IREB2: variants seen among roughly 807,000 people sequenced by gnomAD.
The protein encoded by IREB2 is iron-responsive element-binding protein 2.
IREB2 carries 39 observed loss-of-function variants against 118.8 expected under a neutral mutation model. The ratio of observed to expected loss-of-function variants is 0.33; its 90% CI spans 0.25 to 0.43. IREB2 has a LOEUF of 0.43. IREB2 is among the 20% of genes least tolerant of loss of function. IREB2 has a pLI of 1.00. For missense variants in IREB2, 900 were observed against 1,147.3 expected (o/e 0.78, Z 3.11); for synonymous variants, 372 against 392.2 (o/e 0.95, Z 0.61).
chr15:78,458,385 T>TG (rs1454852868), intron 2 of IREB2, among the ~76,000 whole-genome samples: 1 of 152,280 alleles, frequency 6.6e-6, no homozygotes, highest in Middle Eastern at 3.4e-3. Flanking sequence ...TACGTACTTG[T>TG]GGGAGTAGGG....
intron 10 of IREB2, among the ~76,000 whole-genome samples, chr15:78,481,352 G>A (rs1318203569): frequency 5.3e-5 from 8 of 151,156 alleles, no homozygotes; most frequent in South Asian, 2.1e-4. Flanking sequence ...ACAGACATGC[G>A]CCACCATGCC....
Position 78,499,864 on chromosome 15 carries a change from T to C in IREB2, c.*1721T>C, listed in dbSNP as rs921030198. 1 of 152,282 alleles carries C rather than the reference T, an allele frequency of 6.6e-6. No homozygotes were observed. The highest frequency in any genetic ancestry group is 1.5e-5 in the Non-Finnish European group (1 of 68,092). 9.4% of individuals were successfully genotyped at this position (152,282 alleles called of 1,614,324 possible). On this transcript the variant is annotated 3_prime_UTR_variant, in exon 22 of 22. Coordinates refer to ENST00000258886, the MANE Select transcript of IREB2 (RefSeq NM_004136.4). ...GAAACAAATCTATTTTGTTTTGTTT[T>C]GTTTTTTGAGACGGAGTCTTGCCCT...
intron 16 of IREB2, among the ~76,000 whole-genome samples, 159 bp from the exon 17 acceptor site, chr15:78,490,260 AAAG>A (rs954584383): frequency 2.0e-5 from 3 of 152,332 alleles, no homozygotes; most frequent in African/African-American, 7.2e-5. Context: ...AAAAAAAAGA[AAAG>A]AATACACTCT....
chr15:78,470,734 A>G, intron 6 of IREB2, 133 bp downstream of exon 6: 1 of 447,826 alleles, frequency 2.2e-6, no homozygotes, highest in Non-Finnish European at 3.7e-6. Context: ...TCGCCCTGTT[A>G]CCCAGGCTGG....
At chr15:78,469,739 G>A (rs1339396725) in intron 5 of IREB2, among the ~76,000 whole-genome samples, 2 of 151,900 alleles carry the variant, frequency 1.3e-5, no homozygotes, top group African/African-American at 4.8e-5. Context: ...AAAAAAGGTT[G>A]ACAATTAAAC....
In IREB2 at chr15:78,462,994, A is replaced by G; in HGVS notation, c.179A>G (p.Lys60Arg). Residue 60 changes from lysine to arginine, a missense_variant, in exon 3 of 22, where the codon AAG (lysine) becomes AGG (arginine). Transcript: ENST00000258886. ...VRNCDGFLMK[K>R]EDVMNILDWK... ...AATTGTGATGGCTTTTTAATGAAGA[A>G]GGAAGATGTTATGAACATTTTAGAC... 1 of 1,613,742 alleles carries G rather than the reference A, an allele frequency of 6.2e-7. No homozygotes were observed. Among genetic ancestry groups the G allele is most frequent in the Non-Finnish European group, 8.5e-7 (1 of 1,179,788 alleles).
At chr15:78,472,054 G>A in intron 7 of IREB2, 130 bp downstream of exon 7, 2 of 611,486 alleles carry the variant, frequency 3.3e-6, no homozygotes, top group South Asian at 3.7e-5. Flanking sequence ...AATAACAGCA[G>A]CAACAACAAA....
At chr15:78,460,078 T>C (rs1023172744) in intron 2 of IREB2, among the ~76,000 whole-genome samples, 11 of 152,316 alleles carry the variant, frequency 7.2e-5, no homozygotes, top group Admixed American at 7.2e-4. Context: ...GCAAATAATA[T>C]CTCTAATATC....
At chr15:78,481,815 T>C (rs185782482) in intron 10 of IREB2, 1 of 152,128 alleles carries the variant, frequency 6.6e-6, no homozygotes, top group African/African-American at 2.4e-5. Context: ...CCCTGTCTCT[T>C]AAGAAAAAAA....
chr15:78,445,166 C>T (rs569734105), intron 2 of IREB2, among the ~76,000 whole-genome samples: 2 of 141,694 alleles, frequency 1.4e-5, no homozygotes, highest in East Asian at 4.2e-4. Flanking sequence ...GAGACAGAGT[C>T]TTGCTGTGTT....
At position 78,491,998 on chromosome 15, in the gene IREB2, A is replaced by G. The variant is rs558887996; in HGVS notation, c.2324+1237A>G. Among the ~76,000 whole-genome samples the G allele has an allele frequency of 2.6e-5, 4 of 152,278 alleles. No homozygotes were observed. The East Asian group carries it at 7.7e-4, about 29-fold the overall frequency. On this transcript the variant is annotated intron_variant, in intron 18 of 21. Transcript: ENST00000258886. ...ATTTTTGTAATTATTATGCCTCCTG[A>G]TATGTATTTCTTAGCACATTTAATC...
chr15:78,466,499 T>C lies in IREB2; in HGVS notation c.629+10T>C. ...TGCAACCAGTGCCTGAGTATGAGATTGTTTTTCTTAAAGTTTATTAATACC... is the reference window on the plus strand; with the variant it reads ...TGCAACCAGTGCCTGAGTATGAGATCGTTTTTCTTAAAGTTTATTAATACC... On this transcript the variant is annotated intron_variant, in intron 5 of 21. Coordinates refer to ENST00000258886, the MANE Select transcript of IREB2 (RefSeq NM_004136.4). 6.3e-7 allele frequency: 1 copy of C among 1,588,790 alleles called. No homozygotes were observed. The highest frequency in any genetic ancestry group is 8.6e-7 in the Non-Finnish European group (1 of 1,157,622).
intron 1 of IREB2, chr15:78,438,765 A>G (rs917589845): frequency 1.5e-5 from 4 of 270,700 alleles, no homozygotes; most frequent in Non-Finnish European, 2.2e-5. Context: ...GGTCTCACGC[A>G]GCTAGATGTT....
intron 12 of IREB2, among the ~76,000 whole-genome samples, chr15:78,485,414 GAA>G (rs1434309813): frequency 2.6e-3 from 27 of 10,338 alleles, no homozygotes; most frequent in South Asian, 0.017. Context: ...GAAAAAAGAA[GAA>G]AGAGAAAAAA....
intron 11 of IREB2, among the ~76,000 whole-genome samples, chr15:78,484,121 C>CA (rs2051620285): frequency 1.3e-5 from 2 of 151,912 alleles, no homozygotes; most frequent in South Asian, 4.2e-4. Flanking sequence ...GACCGAGTAG[C>CA]AAGTGGTCTC....
At chr15:78,496,440 T>A (rs1356966845) in intron 20 of IREB2, among the ~76,000 whole-genome samples, 2 of 152,148 alleles carry the variant, frequency 1.3e-5, no homozygotes, top group Non-Finnish European at 2.9e-5. Flanking sequence ...CTAATTTTTC[T>A]GTTTTTAGAT....
chr15:78,441,848 A>G (rs189779772), intron 2 of IREB2, among the ~76,000 whole-genome samples: 4 of 152,290 alleles, frequency 2.6e-5, no homozygotes, highest in Admixed American at 2.0e-4. Context: ...CTTTCAAAAC[A>G]GAAAGTTGGT....
intron 1 of IREB2, among the ~76,000 whole-genome samples, chr15:78,439,325 G>GTT (rs879350614): frequency 6.8e-6 from 1 of 147,028 alleles, no homozygotes; most frequent in Admixed American, 6.8e-5. Flanking sequence ...CCGTCTTTTA[G>GTT]TTTTTTTTTT....
chr15:78,484,254 CT>C (rs1160123526), intron 11 of IREB2, among the ~76,000 whole-genome samples: 10 of 152,052 alleles, frequency 6.6e-5, no homozygotes, highest in Non-Finnish European at 1.5e-4. Context: ...GATTTCTTGA[CT>C]TTTTGTTCAG....
Sources: allele counts gnomAD v4.1 joint callset (sites outside exome capture counted in the v4.1 genomes callset), GRCh38; gene constraint gnomAD v4.1.1; transcripts MANE v1.5; gene names NCBI Gene and HGNC (gene_info 2026-07-23, HGNC 2026-07-21).